The following TRIM33 variants were observed in gnomAD, a reference collection of about 807,000 sequenced individuals.
TRIM33 encodes the protein tripartite motif containing 33, also known as E3 ubiquitin-protein ligase TRIM33.
In TRIM33, 20 loss-of-function variants were observed where a neutral mutation model predicts 125.4. The ratio of observed to expected loss-of-function variants is 0.16; its 90% CI spans 0.11 to 0.23. TRIM33 has a LOEUF of 0.23. TRIM33 is among the 10% of genes least tolerant of loss of function. The pLI, the probability that TRIM33 is intolerant of heterozygous loss-of-function variation, is 1.00. For missense variants in TRIM33, 920 were observed against 1,411.4 expected (o/e 0.65, Z 5.58); for synonymous variants, 564 against 513.9 (o/e 1.10, Z -1.32).
At chr1:114,414,065 ACAC>A in intron 11 of TRIM33, among the ~76,000 whole-genome samples, 1 of 149,806 alleles carries the variant, frequency 6.7e-6, no homozygotes, top group East Asian at 1.9e-4. Context: ...ACACACACAC[ACAC>A]ACGTTTTTAA....
At chr1:114,508,833 A>G (rs1297651462) in intron 1 of TRIM33, among the ~76,000 whole-genome samples, 1 of 152,210 alleles carries the variant, frequency 6.6e-6, no homozygotes, top group Non-Finnish European at 1.5e-5. Context: ...TACACATTTT[A>G]TCTTACTTCA....
At chr1:114,436,274 C>T (rs923541406) in intron 4 of TRIM33, among the ~76,000 whole-genome samples, 3 of 151,192 alleles carry the variant, frequency 2.0e-5, no homozygotes, top group African/African-American at 7.3e-5. Flanking sequence ...TGGTGGTGTG[C>T]ACCTGTAGTC....
chr1:114,414,627 C>T (rs539829628), intron 11 of TRIM33, among the ~76,000 whole-genome samples: 1 of 152,272 alleles, frequency 6.6e-6, no homozygotes, highest in East Asian at 1.9e-4. Context: ...TAGGTTGATG[C>T]CTTACAATTT....
chr1:114,506,991 G>T (rs1570691982), intron 1 of TRIM33, among the ~76,000 whole-genome samples: 1 of 152,168 alleles, frequency 6.6e-6, no homozygotes, highest in Non-Finnish European at 1.5e-5. Flanking sequence ...GCTCTCTAGT[G>T]ATTCTTATTT....
intron 4 of TRIM33, among the ~76,000 whole-genome samples, chr1:114,438,213 T>A (rs1197803132): frequency 6.6e-6 from 1 of 152,238 alleles, no homozygotes; most frequent in Non-Finnish European, 1.5e-5. Flanking sequence ...ATTGTCACTG[T>A]ATATATTAAG....
At chr1:114,434,000 T>C (rs1648126849) in intron 4 of TRIM33, among the ~76,000 whole-genome samples, 1 of 152,198 alleles carries the variant, frequency 6.6e-6, no homozygotes, top group African/African-American at 2.4e-5. Flanking sequence ...CAGGATTACA[T>C]CTTTTTAAAA....
rs767928950 is a variant in TRIM33 at position 114,427,225 on chromosome 1, G to A, written c.1372C>T (p.Arg458Cys). The change falls in exon 8 of 20, where the codon CGT becomes TGT. Residue 458 changes from arginine (R) to cysteine (C), a missense_variant. Arg to Cys is a radical substitution (Grantham distance 180). Coordinates refer to ENST00000358465, the MANE Select transcript of TRIM33 (RefSeq NM_015906.4). ...DPVPAANGAI[R>C]FHCDPTFWAK... Reference sequence around the variant, plus strand: ...CAGAAGGTGGGATCACAATGGAAACGTATTGCTCCATTAGCAGCAGGGACA... The same window carrying A: ...CAGAAGGTGGGATCACAATGGAAACATATTGCTCCATTAGCAGCAGGGACA... 3 of 1,605,036 alleles carry A rather than the reference G, an allele frequency of 1.9e-6. No individual in the cohort carries two copies. The highest frequency in any genetic ancestry group is 2.2e-5 in the South Asian group (2 of 90,006).
chr1:114,470,862 A>G (rs1470008020), intron 1 of TRIM33, among the ~76,000 whole-genome samples: 1 of 152,226 alleles, frequency 6.6e-6, no homozygotes, highest in East Asian at 1.9e-4. Context: ...GTGCAATGGC[A>G]TGAACACTGC....
At chr1:114,476,684 A>G (rs1326523216) in intron 1 of TRIM33, among the ~76,000 whole-genome samples, 2 of 152,162 alleles carry the variant, frequency 1.3e-5, no homozygotes, top group African/African-American at 4.8e-5. Flanking sequence ...AAGATTACTA[A>G]GCCTATATCA....
chr1:114,430,588 G>A (rs185007119), intron 6 of TRIM33, among the ~76,000 whole-genome samples: 238 of 152,194 alleles, frequency 1.6e-3, no homozygotes, highest in Non-Finnish European at 2.6e-3. Flanking sequence ...TATTTCCTAA[G>A]GTATACAGCT....
At chr1:114,403,473 C>T (rs1004340098) in intron 15 of TRIM33, among the ~76,000 whole-genome samples, 1 of 152,032 alleles carries the variant, frequency 6.6e-6, no homozygotes, top group African/African-American at 2.4e-5. Flanking sequence ...CGGGTTCAAG[C>T]GATTCTTGTA....
Position 114,468,935 on chromosome 1 carries a change from T to C in TRIM33, c.527-4547A>G, listed in dbSNP as rs1040734503. The C allele has an allele frequency of 4.7e-5, 11 of 232,806 alleles. No individual in the cohort carries two copies. In the Admixed American group the frequency reaches 5.7e-4, roughly 12 times the overall value. 14.4% of individuals were successfully genotyped at this position (232,806 alleles called of 1,614,324 possible). ...ATCAAACCTCTACAGGTCATTTGAG[T>C]AGGAACCAAGAAAACTTATTTTGTC... On this transcript the variant is annotated intron_variant, in intron 1 of 19. Transcript: ENST00000358465.
chr1:114,487,623 C>T (rs971779122), intron 1 of TRIM33, among the ~76,000 whole-genome samples: 1 of 151,788 alleles, frequency 6.6e-6, no homozygotes, highest in Non-Finnish European at 1.5e-5. Context: ...ATAGGCCGGG[C>T]GCGGTGGCTC....
intron 1 of TRIM33, among the ~76,000 whole-genome samples, chr1:114,479,887 G>A (rs1038957153): frequency 2.0e-5 from 2 of 98,058 alleles, no homozygotes; most frequent in Non-Finnish European, 4.3e-5. Flanking sequence ...CCCGGCCGCC[G>A]CCCCATCCGG....
intron 1 of TRIM33, among the ~76,000 whole-genome samples, chr1:114,507,583 T>A (rs1161296527): frequency 6.6e-6 from 1 of 152,240 alleles, no homozygotes; most frequent in Non-Finnish European, 1.5e-5. Flanking sequence ...ACAAAGCATT[T>A]TCACATTTAT....
At chr1:114,495,437 T>C (rs1035041476) in intron 1 of TRIM33, among the ~76,000 whole-genome samples, 3 of 152,238 alleles carry the variant, frequency 2.0e-5, no homozygotes, top group Non-Finnish European at 4.4e-5. Flanking sequence ...TTCTTTTTAA[T>C]TGGGCAAAAC....
At chr1:114,466,017 T>C (rs1227515250) in intron 1 of TRIM33, among the ~76,000 whole-genome samples, 1 of 151,306 alleles carries the variant, frequency 6.6e-6, no homozygotes, top group Non-Finnish European at 1.5e-5. Flanking sequence ...CACTCCAGCT[T>C]GGGCGACAGA....
At position 114,427,808 on chromosome 1, in the gene TRIM33, G is replaced by C; in HGVS notation, c.1242C>G (p.Asn414Lys). 1 of 1,614,090 alleles carries C rather than the reference G, an allele frequency of 6.2e-7. No individual in the cohort carries two copies. Among genetic ancestry groups the C allele is most frequent in the South Asian group, 1.1e-5 (1 of 91,086 alleles). ...CACTTGCAATTGCCCAATTTGTGAA[G>C]TTCATAACATGCTTCACCTGCCGGG... is the stretch of plus-strand genomic sequence containing the variant. ...GLSRQVKHVM[N>K]FTNWAIASGS... The change falls in exon 7 of 20, where the codon AAC becomes AAG. Residue 414 changes from asparagine to lysine, a missense_variant. This residue lies in a region of TRIM33 where 407 missense variants were observed against 589.7 expected (regional missense o/e 0.69). Coordinates refer to ENST00000358465, the MANE Select transcript of TRIM33 (RefSeq NM_015906.4).
intron 4 of TRIM33, 97 bp downstream of exon 4, chr1:114,463,007 A>C: frequency 1.1e-6 from 1 of 928,686 alleles, no homozygotes; most frequent in Non-Finnish European, 1.5e-6. Flanking sequence ...TAAAAGATTA[A>C]GACACAAACA....
Sources: gnomAD v4.1 joint callset for allele counts (sites outside exome capture counted in the v4.1 genomes callset) on GRCh38, gnomAD v4.1.1 for gene constraint, gnomAD v4.1.1 regional missense constraint, MANE v1.5 for transcripts, NCBI Gene and HGNC (gene_info 2026-07-23, HGNC 2026-07-21) for gene names.